KLHL29: variants seen among roughly 807,000 people sequenced by gnomAD.
The protein encoded by KLHL29 is kelch like family member 29.
KLHL29 carries 21 observed loss-of-function variants against 80.4 expected under a neutral mutation model. The ratio of observed to expected loss-of-function variants is 0.26; its 90% confidence interval spans 0.19 to 0.38. The LOEUF (loss-of-function observed/expected upper bound fraction) is 0.38, where lower values mean the gene tolerates loss of function less well. KLHL29 is among the 10% of genes least tolerant of loss of function. The pLI, the probability that KLHL29 is intolerant of heterozygous loss-of-function variation, is 1.00. For synonymous variants in KLHL29, 511 were observed against 526.8 expected, an observed-to-expected ratio of 0.97 and a Z score of 0.41; for missense variants, 867 against 1,223.9, an observed-to-expected ratio of 0.71 and a Z score of 4.35.
At chr2:23,497,031 A>G (rs1007780633) in intron 2 of KLHL29, among the ~76,000 whole-genome samples, 4 of 151,768 alleles carry the variant, frequency 2.6e-5, no homozygotes, top group Admixed American at 6.6e-5. Context: ...CTGCAACCAT[A>G]TAAGAATCAC....
intron 5 of KLHL29, among the ~76,000 whole-genome samples, chr2:23,648,212 G>A (rs1669991937): frequency 6.6e-6 from 1 of 152,094 alleles, no homozygotes; most frequent in Admixed American, 6.5e-5. Context: ...AGACCATACA[G>A]GCTCTGGAAC....
chr2:23,653,522 G>C (rs894819327), intron 5 of KLHL29, among the ~76,000 whole-genome samples: 1 of 152,194 alleles, frequency 6.6e-6, no homozygotes, highest in African/African-American at 2.4e-5. Context: ...CTCAGTGGCA[G>C]CTCCACAAGG....
intron 1 of KLHL29, among the ~76,000 whole-genome samples, chr2:23,391,788 G>A (rs1171194135): frequency 6.6e-6 from 1 of 152,226 alleles, no homozygotes; most frequent in Non-Finnish European, 1.5e-5. Flanking sequence ...CAATTGAAGA[G>A]ACTTGGTGAG....
In KLHL29 at chr2:23,451,261, C is replaced by G. The variant is rs187919292; in HGVS notation, c.-153-24299C>G. Among the ~76,000 whole-genome samples the G allele has an allele frequency of 7.9e-5, 12 of 152,264 alleles. No homozygotes were observed. In the East Asian group the frequency reaches 2.3e-3, roughly 29 times the overall value. On this transcript the variant is annotated intron_variant, in intron 1 of 13. Transcript: ENST00000486442. ...CCAGTGATCACTCCCATAGAACTCCCTGGGTAAATCCATGTAAAGGCTGTA... is the reference window on the plus strand; with the variant it reads ...CCAGTGATCACTCCCATAGAACTCCGTGGGTAAATCCATGTAAAGGCTGTA...
At chr2:23,698,307 G>A (rs1169505523) in intron 11 of KLHL29, among the ~76,000 whole-genome samples, 2 of 152,232 alleles carry the variant, frequency 1.3e-5, no homozygotes, top group Non-Finnish European at 2.9e-5. Context: ...GCAGGATGCA[G>A]GCTTGAAGAC....
At chr2:23,653,859 T>C (rs139720960) in intron 5 of KLHL29, among the ~76,000 whole-genome samples, 54 of 152,286 alleles carry the variant, frequency 3.5e-4, no homozygotes, top group African/African-American at 1.3e-3. Context: ...ACGACTCTTA[T>C]ATCCTGGTTA....
At position 23,423,652 on chromosome 2, in the gene KLHL29, G is replaced by A. The variant is rs902931644; in HGVS notation, c.-154+37872G>A. 3.9e-5 allele frequency among the ~76,000 whole-genome samples: 6 copies of A among 152,128 alleles called. No homozygotes were observed. In the East Asian group the frequency reaches 9.7e-4, roughly 24 times the overall value. ...CAGAGAGGCCTAGCCTCAGCCTGGCGGGCGGGGGTCCTGTGGGAACACCAT... is the reference window on the plus strand; with the variant it reads ...CAGAGAGGCCTAGCCTCAGCCTGGCAGGCGGGGGTCCTGTGGGAACACCAT... On this transcript the variant is annotated intron_variant, in intron 1 of 13. Coordinates refer to ENST00000486442, the MANE Select transcript of KLHL29 (RefSeq NM_052920.2).
At chr2:23,502,666 G>C (rs1424404352) in intron 2 of KLHL29, among the ~76,000 whole-genome samples, 2 of 152,258 alleles carry the variant, frequency 1.3e-5, no homozygotes, top group African/African-American at 2.4e-5. Flanking sequence ...CAGGCGGTCA[G>C]CAGGGATTCA....
At chr2:23,442,953 C>G (rs111720498) in intron 1 of KLHL29, among the ~76,000 whole-genome samples, 10 of 152,054 alleles carry the variant, frequency 6.6e-5, no homozygotes, top group African/African-American at 2.2e-4. Flanking sequence ...GGTGGATGTT[C>G]CATTATCTAT....
Position 23,412,020 on chromosome 2 carries a change from C to A in KLHL29, c.-154+26240C>A, listed in dbSNP as rs116637491. 3.2e-3 allele frequency among the ~76,000 whole-genome samples: 479 copies of A among 151,090 alleles called. 1 individual carries two copies. Among genetic ancestry groups the A allele is most frequent in the African/African-American group, 0.011 (465 of 41,118 alleles). Reference sequence around the variant, plus strand: ...AAAAGGGTGGTGAGAGCATTTGGGGCAGAAGAAACAGATGTGTCAGAGGAA... The same window carrying A: ...AAAAGGGTGGTGAGAGCATTTGGGGAAGAAGAAACAGATGTGTCAGAGGAA... On this transcript the variant is annotated intron_variant, in intron 1 of 13. Coordinates refer to ENST00000486442, the MANE Select transcript of KLHL29 (RefSeq NM_052920.2).
At chr2:23,590,089 C>G (rs929099886) in intron 3 of KLHL29, among the ~76,000 whole-genome samples, 7 of 152,244 alleles carry the variant, frequency 4.6e-5, no homozygotes, top group Non-Finnish European at 7.3e-5. Context: ...CAGACAAAAG[C>G]AGAGGCCTAG....
At chr2:23,425,176 C>A (rs1662972875) in intron 1 of KLHL29, among the ~76,000 whole-genome samples, 1 of 152,066 alleles carries the variant, frequency 6.6e-6, no homozygotes, top group Non-Finnish European at 1.5e-5. Flanking sequence ...AAATATTTAA[C>A]TAAAAATCTT....
At chr2:23,461,177 G>A (rs562359776) in intron 1 of KLHL29, among the ~76,000 whole-genome samples, 10 of 152,188 alleles carry the variant, frequency 6.6e-5, no homozygotes, top group Non-Finnish European at 1.5e-4. Flanking sequence ...CCCAATGGAG[G>A]AAACACTCTT....
intron 1 of KLHL29, among the ~76,000 whole-genome samples, chr2:23,421,744 G>C (rs1437399538): frequency 6.6e-6 from 1 of 150,970 alleles, no homozygotes; most frequent in South Asian, 2.1e-4. Flanking sequence ...GTGTATGTGT[G>C]TGTGTTCATG....
chr2:23,398,752 G>A (rs368827967), intron 1 of KLHL29, among the ~76,000 whole-genome samples: 4 of 152,184 alleles, frequency 2.6e-5, no homozygotes, highest in Non-Finnish European at 4.4e-5. Context: ...TGGAGAGAAC[G>A]GATTTGGTTA....
chr2:23,455,008 G>GCA (rs1553325760), intron 1 of KLHL29, among the ~76,000 whole-genome samples: 1 of 148,742 alleles, frequency 6.7e-6, no homozygotes, highest in African/African-American at 2.5e-5. Context: ...GGTTGGGGGG[G>GCA]GGGCATTTAT....
chr2:23,563,954 G>A (rs942648562), intron 3 of KLHL29, among the ~76,000 whole-genome samples: 1 of 152,250 alleles, frequency 6.6e-6, no homozygotes, highest in Non-Finnish European at 1.5e-5. Context: ...CCCGAGCGCT[G>A]GTCTGACTCA....
rs72784287 is a variant in KLHL29 at position 23,524,371 on chromosome 2, C to A, written c.-45-37781C>A. Reference sequence around the variant, plus strand: ...CCAGGAAGTAGCAGGCCAGGAAATACCTTTAGGTCCTGCCCCGGGCTCCCG... The same window carrying A: ...CCAGGAAGTAGCAGGCCAGGAAATAACTTTAGGTCCTGCCCCGGGCTCCCG... On this transcript the variant is annotated intron_variant, in intron 2 of 13. Transcript: ENST00000486442. 1,104 of 180,948 alleles carry A rather than the reference C, an allele frequency of 6.1e-3. 8 individuals carry two copies. The highest frequency in any genetic ancestry group is 9.4e-3 in the Non-Finnish European group (789 of 83,982). 11.2% of individuals were successfully genotyped at this position (180,948 alleles called of 1,614,324 possible).
chr2:23,593,593 G>T (rs1668321633), intron 3 of KLHL29, among the ~76,000 whole-genome samples: 1 of 152,170 alleles, frequency 6.6e-6, no homozygotes, highest in African/African-American at 2.4e-5. Flanking sequence ...TGGGGCAGTG[G>T]TGCGGAGGAG....
Sources: gnomAD v4.1 joint callset for allele counts (sites outside exome capture counted in the v4.1 genomes callset) on GRCh38, gnomAD v4.1.1 for gene constraint, MANE v1.5 for transcripts, NCBI Gene and HGNC (gene_info 2026-07-23, HGNC 2026-07-21) for gene names.